The following ZBTB8A variants were observed in gnomAD, a reference collection of about 807,000 sequenced individuals.
ZBTB8A encodes zinc finger and BTB domain-containing protein 8A.
A neutral mutation model predicts 37.8 loss-of-function variants in ZBTB8A; 19 were observed. The observed-to-expected ratio is 0.50, with a 90% CI of 0.35 to 0.74. The LOEUF is 0.74. Ranked by LOEUF, ZBTB8A falls within the 30% of genes least tolerant of loss-of-function variation. ZBTB8A has a pLI of 0.01. For synonymous variants in ZBTB8A, 181 were observed against 185.2 expected, an observed-to-expected ratio of 0.98 and a Z score of 0.19; for missense variants, 394 against 537.8, an observed-to-expected ratio of 0.73 and a Z score of 2.65.
At chr1:32,594,424 T>C (rs963766913) in intron 3 of ZBTB8A, among the ~76,000 whole-genome samples, 1 of 152,020 alleles carries the variant, frequency 6.6e-6, no homozygotes, top group Non-Finnish European at 1.5e-5. Context: ...TAAATAGTTT[T>C]TTTTTTTCCT....
At chr1:32,592,679 G>A (rs1232206792) in intron 2 of ZBTB8A, among the ~76,000 whole-genome samples, 2 of 151,962 alleles carry the variant, frequency 1.3e-5, no homozygotes, top group African/African-American at 4.8e-5. Context: ...GCTAATTTTT[G>A]TATTTTTGGT....
chr1:32,573,068 T>G (rs1644333538), intron 2 of ZBTB8A, among the ~76,000 whole-genome samples: 1 of 146,480 alleles, frequency 6.8e-6, no homozygotes, highest in Admixed American at 6.8e-5. Flanking sequence ...GTTCTCTAGA[T>G]TCTTTTTTTT....
chr1:32,545,257 A>C (rs1644093645), intron 1 of ZBTB8A, among the ~76,000 whole-genome samples: 1 of 152,200 alleles, frequency 6.6e-6, no homozygotes, highest in Admixed American at 6.5e-5. Flanking sequence ...AAATTTTAAA[A>C]AATTATTGTA....
chr1:32,547,848 A>AAAAG (rs1644119000), intron 1 of ZBTB8A, among the ~76,000 whole-genome samples: 1 of 148,130 alleles, frequency 6.8e-6, no homozygotes, highest in Admixed American at 6.8e-5. Flanking sequence ...AAAAAAAAAA[A>AAAAG]AAAGACCAGG....
At chr1:32,540,973 A>G (rs1414524506) in intron 1 of ZBTB8A, among the ~76,000 whole-genome samples, 4 of 152,262 alleles carry the variant, frequency 2.6e-5, no homozygotes, top group Admixed American at 1.3e-4. Context: ...CTTATCTCCT[A>G]GCCCTGAAAT....
intron 1 of ZBTB8A, among the ~76,000 whole-genome samples, chr1:32,551,787 G>A (rs1644158674): frequency 6.6e-6 from 1 of 152,134 alleles, no homozygotes; most frequent in South Asian, 2.1e-4. Context: ...TCCCTACGCT[G>A]GTCTGGAATT....
At chr1:32,570,398 T>C (rs1286006928) in intron 2 of ZBTB8A, among the ~76,000 whole-genome samples, 5 of 152,196 alleles carry the variant, frequency 3.3e-5, no homozygotes, top group African/African-American at 1.2e-4. Context: ...CTATTTTAGG[T>C]CCACTGAATT....
At chr1:32,576,462 C>T (rs1644359722) in intron 2 of ZBTB8A, among the ~76,000 whole-genome samples, 1 of 151,980 alleles carries the variant, frequency 6.6e-6, no homozygotes, top group Non-Finnish European at 1.5e-5. Context: ...CAGTTTCGTT[C>T]TTGTTGCCCA....
intron 2 of ZBTB8A, among the ~76,000 whole-genome samples, chr1:32,567,514 G>C (rs1644289225): frequency 6.6e-6 from 1 of 151,920 alleles, no homozygotes; most frequent in Admixed American, 6.6e-5. Flanking sequence ...TGTAATTTAG[G>C]CTGGGCATGG....
Position 32,595,109 on chromosome 1 carries a change from G to A in ZBTB8A, c.879G>A (p.Arg293=), listed in dbSNP as rs199659484. 3.1e-6 allele frequency: 5 copies of A among 1,614,098 alleles called. No individual in the cohort carries two copies. Among genetic ancestry groups the A allele is most frequent in the Non-Finnish European group, 4.2e-6 (5 of 1,180,038 alleles). Residue 293 remains arginine (R), a synonymous_variant, in exon 4 of 5, where the codon CGG becomes CGA. Coordinates refer to ENST00000373510, the MANE Select transcript of ZBTB8A (RefSeq NM_001040441.3). ...KCPYCTHVVK[R]KADLKRHLRC... ...CGTACTGCACACATGTGGTGAAGCG[G>A]AAGGCAGACCTAAAGCGCCACCTTC...
chr1:32,543,648 T>C (rs1257050870), intron 1 of ZBTB8A, among the ~76,000 whole-genome samples: 1 of 152,102 alleles, frequency 6.6e-6, no homozygotes, highest in Non-Finnish European at 1.5e-5. Context: ...AAAATATGTA[T>C]TTTTTATGAC....
chr1:32,571,905 TTTTG>T (rs921152711), intron 2 of ZBTB8A, among the ~76,000 whole-genome samples: 4 of 151,820 alleles, frequency 2.6e-5, no homozygotes, highest in Admixed American at 2.0e-4. Flanking sequence ...TGGGGGTTTT[TTTTG>T]TTTGTTTTTT....
At chr1:32,561,038 G>A (rs775795414) in intron 2 of ZBTB8A, among the ~76,000 whole-genome samples, 27 of 151,878 alleles carry the variant, frequency 1.8e-4, no homozygotes, top group South Asian at 1.0e-3. Context: ...ATACTAAATC[G>A]CCTCTCTCCT....
At chr1:32,564,454 C>G (rs531107499) in intron 2 of ZBTB8A, among the ~76,000 whole-genome samples, 4 of 152,234 alleles carry the variant, frequency 2.6e-5, no homozygotes, top group African/African-American at 9.6e-5. Flanking sequence ...ACACAGATGT[C>G]TGGGTAATGG....
intron 2 of ZBTB8A, among the ~76,000 whole-genome samples, chr1:32,555,293 G>A (rs542929704): frequency 5.3e-5 from 8 of 152,246 alleles, no homozygotes; most frequent in Non-Finnish European, 1.0e-4. Context: ...GGAGGCTGAG[G>A]CAGGAGAATG....
At chr1:32,597,013 C>CT (rs1034418885) in intron 4 of ZBTB8A, among the ~76,000 whole-genome samples, 133 of 146,400 alleles carry the variant, frequency 9.1e-4, no homozygotes, top group Middle Eastern at 3.5e-3. Context: ...TTTCTTTTTT[C>CT]TTTTTTTTTT....
chr1:32,574,633 A>G (rs1180613882), intron 2 of ZBTB8A, among the ~76,000 whole-genome samples: 1 of 152,078 alleles, frequency 6.6e-6, no homozygotes, highest in African/African-American at 2.4e-5. Context: ...AAAAATTATA[A>G]CATGTTTTAT....
rs959668016 is a variant in ZBTB8A, at chr1:32,593,659, C to G, written c.728C>G (p.Ser243Cys). The G allele has an allele frequency of 3.7e-6, 6 of 1,614,162 alleles. No homozygotes were observed. Among genetic ancestry groups the G allele is most frequent in the Non-Finnish European group, 5.1e-6 (6 of 1,180,026 alleles). Reference protein sequence around the residue: ...TSDSSSHVSQSEEQAQIDAEM... With the variant: ...TSDSSSHVSQCEEQAQIDAEM... ...GATTCTTCCAGCCATGTTTCCCAGT[C>G]TGAAGAACAAGCACAGATTGATGCT... is the stretch of plus-strand genomic sequence containing the variant. The change falls in exon 3 of 5, where the codon TCT becomes TGT. Residue 243 changes from serine to cysteine, a missense_variant. By Grantham distance (112) the Ser-to-Cys change is moderately radical. Transcript: ENST00000373510.
chr1:32,592,755 G>A (rs964117873), intron 2 of ZBTB8A, among the ~76,000 whole-genome samples, 176 bp from the exon 3 acceptor site: 3 of 151,886 alleles, frequency 2.0e-5, no homozygotes, highest in Non-Finnish European at 2.9e-5. Flanking sequence ...GATCTCCCCC[G>A]CATTGGCCTC....
Sources: allele counts gnomAD v4.1 joint callset (sites outside exome capture counted in the v4.1 genomes callset), GRCh38; gene constraint gnomAD v4.1.1; transcripts MANE v1.5; gene names NCBI Gene and HGNC (gene_info 2026-07-23, HGNC 2026-07-21).